Variants in ASIC2 observed in about 807,000 individuals in gnomAD.
ASIC2 encodes the protein acid-sensing ion channel 2.
Under a neutral mutation model 57.3 loss-of-function variants are expected in ASIC2, and 25 were observed. The ratio of observed to expected loss-of-function variants is 0.44; its 90% CI spans 0.32 to 0.61. The LOEUF (loss-of-function observed/expected upper bound fraction) is 0.61. Among genes scored for constraint, ASIC2 ranks in the 20% least tolerant of loss-of-function variants. The pLI, the probability that ASIC2 is intolerant of heterozygous loss-of-function variation, is 0.06. For missense variants in ASIC2, 641 were observed against 738.1 expected (o/e 0.87, Z 1.52); for synonymous variants, 319 against 307.5 (o/e 1.04, Z -0.39).
intron 1 of ASIC2, among the ~76,000 whole-genome samples, chr17:33,421,721 G>T (rs1911051422): frequency 6.6e-6 from 1 of 152,244 alleles, no homozygotes; most frequent in Non-Finnish European, 1.5e-5. Context: ...ACAGGACAGA[G>T]AATCCTCTTT....
chr17:34,027,908 T>G lies in ASIC2; in HGVS notation c.555+128070A>C, dbSNP rs1907438647. Among the ~76,000 whole-genome samples, 3 of 152,204 alleles carry G rather than the reference T, an allele frequency of 2.0e-5. No individual in the cohort carries two copies. In the South Asian group the frequency reaches 6.2e-4, roughly 32 times the overall value. ...GGAGGTACAGATTTGGGCCATGACA[T>G]TGTGTCAGATCTTTACCTATGAAGT... On this transcript the variant is annotated intron_variant, in intron 1 of 9. Transcript: ENST00000359872.
intron 1 of ASIC2, among the ~76,000 whole-genome samples, chr17:33,847,283 G>A (rs973620425): frequency 5.9e-5 from 9 of 151,938 alleles, no homozygotes; most frequent in Non-Finnish European, 1.2e-4. Flanking sequence ...CTTCTGTCAA[G>A]TGGGGAGAGT....
chr17:33,699,158 A>T (rs185374586), intron 1 of ASIC2, among the ~76,000 whole-genome samples: 2 of 152,316 alleles, frequency 1.3e-5, no homozygotes, highest in African/African-American at 4.8e-5. Context: ...TGAGCCTGTA[A>T]CACTGGTTCT....
chr17:33,380,997 T>C (rs1217831558), intron 1 of ASIC2, among the ~76,000 whole-genome samples: 2 of 152,116 alleles, frequency 1.3e-5, no homozygotes, highest in Non-Finnish European at 2.9e-5. Context: ...TTGGAGGGAT[T>C]TGTATTTTAA....
At chr17:33,352,998 A>G (rs186959575) in intron 1 of ASIC2, among the ~76,000 whole-genome samples, 119 of 152,288 alleles carry the variant, frequency 7.8e-4, no homozygotes, top group African/African-American at 2.7e-3. Context: ...AGATGCACCA[A>G]TAACATTTAC....
chr17:33,446,640 C>T (rs1912029950), intron 1 of ASIC2, among the ~76,000 whole-genome samples: 1 of 152,168 alleles, frequency 6.6e-6, no homozygotes. Flanking sequence ...ATAAAACACT[C>T]TCCTACCCAT....
At chr17:34,080,427 G>C (rs926024382) in intron 1 of ASIC2, among the ~76,000 whole-genome samples, 1 of 152,160 alleles carries the variant, frequency 6.6e-6, no homozygotes, top group Non-Finnish European at 1.5e-5. Context: ...AATGAGAAAG[G>C]GGAACAAACT....
chr17:34,085,518 G>T (rs1318417940), intron 1 of ASIC2, among the ~76,000 whole-genome samples: 2 of 152,166 alleles, frequency 1.3e-5, no homozygotes, highest in Non-Finnish European at 2.9e-5. Context: ...TTGTGTCTCT[G>T]CCAGGCTTTG....
intron 1 of ASIC2, among the ~76,000 whole-genome samples, chr17:33,646,623 G>C (rs1029636126): frequency 5.3e-5 from 8 of 152,134 alleles, no homozygotes; most frequent in African/African-American, 1.9e-4. Flanking sequence ...TGAATTCCAG[G>C]TATTGGAAAC....
intron 1 of ASIC2, among the ~76,000 whole-genome samples, chr17:33,272,631 G>A (rs1302809496): frequency 6.6e-6 from 1 of 152,018 alleles, no homozygotes; most frequent in Non-Finnish European, 1.5e-5. Context: ...GTCATCGTGA[G>A]CATCATCACC....
chr17:33,134,540 A>T (rs548571314), intron 1 of ASIC2, among the ~76,000 whole-genome samples: 67 of 152,362 alleles, frequency 4.4e-4, no homozygotes, highest in African/African-American at 1.5e-3. Context: ...AGTTCCTCAG[A>T]GCCTGTTCTT....
At chr17:34,036,318 A>G (rs1478643999) in intron 1 of ASIC2, among the ~76,000 whole-genome samples, 2 of 144,012 alleles carry the variant, frequency 1.4e-5, no homozygotes, top group African/African-American at 5.2e-5. Context: ...TGGGAATTGA[A>G]CAATGAGAAC....
At chr17:33,149,058 C>T (rs372555396) in intron 1 of ASIC2, among the ~76,000 whole-genome samples, 1 of 152,072 alleles carries the variant, frequency 6.6e-6, no homozygotes, top group Non-Finnish European at 1.5e-5. Context: ...CATGCTGCTG[C>T]ACTCCAGCGT....
At chr17:33,873,114 C>G (rs1052221991) in intron 1 of ASIC2, among the ~76,000 whole-genome samples, 1 of 152,246 alleles carries the variant, frequency 6.6e-6, no homozygotes. Flanking sequence ...TCTGCCTCAT[C>G]TTTCAGAGTG....
At chr17:33,783,247 G>GTGGTT (rs551688231) in intron 1 of ASIC2, among the ~76,000 whole-genome samples, 47 of 152,274 alleles carry the variant, frequency 3.1e-4, no homozygotes, top group Admixed American at 5.2e-4. Context: ...CTTCACCGTT[G>GTGGTT]TGGTTAATAG....
chr17:33,876,847 T>C (rs1914558263), intron 1 of ASIC2, among the ~76,000 whole-genome samples: 1 of 152,164 alleles, frequency 6.6e-6, no homozygotes, highest in South Asian at 2.1e-4. Flanking sequence ...TCAGCTTCCC[T>C]CGAAATGTTC....
intron 1 of ASIC2, among the ~76,000 whole-genome samples, chr17:33,881,708 T>C (rs1409465546): frequency 2.0e-5 from 3 of 152,230 alleles, no homozygotes; most frequent in Admixed American, 2.0e-4. Context: ...ATAGATTCAA[T>C]GCCATCCCCA....
At chr17:33,692,712 G>T (rs1908410473) in intron 1 of ASIC2, among the ~76,000 whole-genome samples, 1 of 152,164 alleles carries the variant, frequency 6.6e-6, no homozygotes, top group African/African-American at 2.4e-5. Flanking sequence ...ATTACTGTAT[G>T]CCCTAATGTA....
At chr17:33,686,990 C>A (rs1047665501) in intron 1 of ASIC2, among the ~76,000 whole-genome samples, 9 of 152,286 alleles carry the variant, frequency 5.9e-5, no homozygotes, top group African/African-American at 2.2e-4. Flanking sequence ...CCAAGGGAAC[C>A]TATGCGGGCT....
Sources: gnomAD v4.1 joint callset for allele counts (sites outside exome capture counted in the v4.1 genomes callset) on GRCh38, gnomAD v4.1.1 for gene constraint, MANE v1.5 for transcripts, NCBI Gene and HGNC (gene_info 2026-07-23, HGNC 2026-07-21) for gene names.